Variants in RELN observed in about 807,000 individuals in gnomAD.
RELN encodes reelin.
A neutral mutation model predicts 427.6 loss-of-function variants in RELN; 108 were observed. The observed-to-expected ratio is 0.25, with a 90% CI of 0.22 to 0.30. The LOEUF is 0.30. Ranked by LOEUF, RELN falls within the 10% of genes least tolerant of loss-of-function variation. The pLI is 1.00. For missense variants in RELN, 3,715 were observed against 4,302.8 expected (o/e 0.86, Z 3.82); for synonymous variants, 1,524 against 1,513.4 (o/e 1.01, Z -0.16).
chr7:103,883,837 C>G (rs570591132), intron 2 of RELN, among the ~76,000 whole-genome samples: 3 of 152,234 alleles, frequency 2.0e-5, no homozygotes, highest in Non-Finnish European at 4.4e-5. Context: ...GAATCAATAT[C>G]GTGAAAATGG....
chr7:103,979,973 C>T (rs1796957880), intron 1 of RELN, among the ~76,000 whole-genome samples: 1 of 152,040 alleles, frequency 6.6e-6, no homozygotes, highest in Non-Finnish European at 1.5e-5. Flanking sequence ...ACCAACCTGA[C>T]CAACATGGAG....
intron 46 of RELN, among the ~76,000 whole-genome samples, chr7:103,526,919 G>T (rs2299334): frequency 1.3e-5 from 2 of 152,068 alleles, no homozygotes; most frequent in Non-Finnish European, 2.9e-5. Flanking sequence ...TGGTCCCAGA[G>T]AAGATTTCTC....
At chr7:103,488,799 T>TC (rs1436966089) in intron 60 of RELN, among the ~76,000 whole-genome samples, 1 of 152,240 alleles carries the variant, frequency 6.6e-6, no homozygotes, top group African/African-American at 2.4e-5. Context: ...AGTCTCAGTT[T>TC]CTTTGCCTGT....
At chr7:103,894,935 C>A (rs1305171806) in intron 2 of RELN, among the ~76,000 whole-genome samples, 1 of 152,078 alleles carries the variant, frequency 6.6e-6, no homozygotes. Flanking sequence ...ATACACTTAC[C>A]CTGCTCATGC....
At chr7:103,769,684 T>C (rs1176768968) in intron 4 of RELN, among the ~76,000 whole-genome samples, 5 of 152,216 alleles carry the variant, frequency 3.3e-5, no homozygotes, top group Non-Finnish European at 4.4e-5. Flanking sequence ...ATCCAGAACC[T>C]GGCCTGGCAA....
chr7:103,804,773 A>C (rs957689269), intron 3 of RELN, among the ~76,000 whole-genome samples: 2 of 152,164 alleles, frequency 1.3e-5, no homozygotes, highest in African/African-American at 4.8e-5. Context: ...TAGTTGCAAA[A>C]ATAGGTTAGA....
intron 8 of RELN, among the ~76,000 whole-genome samples, chr7:103,722,281 T>G (rs535684340): frequency 4.2e-4 from 64 of 152,138 alleles, no homozygotes; most frequent in Non-Finnish European, 7.6e-4. Context: ...ACTTGCAATT[T>G]GGAATAGAAG....
intron 60 of RELN, among the ~76,000 whole-genome samples, chr7:103,488,456 C>T (rs541551055): frequency 2.6e-5 from 4 of 152,234 alleles, no homozygotes; most frequent in South Asian, 2.1e-4. Context: ...CAGACCCAGC[C>T]GGTCTCAGTG....
intron 2 of RELN, among the ~76,000 whole-genome samples, chr7:103,895,984 T>C (rs28583006): frequency 0.26 from 40,123 of 151,976 alleles, 6,086 homozygotes; most frequent in African/African-American, 0.41. Flanking sequence ...CAAACTACTA[T>C]TACTCAATAA....
At chr7:103,885,640 T>C (rs1794710810) in intron 2 of RELN, among the ~76,000 whole-genome samples, 1 of 152,120 alleles carries the variant, frequency 6.6e-6, no homozygotes, top group African/African-American at 2.4e-5. Context: ...GTAATGTAGA[T>C]GACGGGTTGA....
intron 19 of RELN, among the ~76,000 whole-genome samples, chr7:103,630,579 C>T (rs1024095886): frequency 5.3e-5 from 8 of 152,110 alleles, no homozygotes; most frequent in African/African-American, 1.9e-4. Context: ...GACAATAAAC[C>T]TGCATCTGAC....
At chr7:103,598,507 C>T (rs949105296) in intron 24 of RELN, among the ~76,000 whole-genome samples, 3 of 152,120 alleles carry the variant, frequency 2.0e-5, no homozygotes, top group African/African-American at 7.2e-5. Context: ...GGAAATGAGC[C>T]AGAAGGATAA....
At chr7:103,886,630 A>G (rs1193906172) in intron 2 of RELN, among the ~76,000 whole-genome samples, 1 of 152,220 alleles carries the variant, frequency 6.6e-6, no homozygotes, top group Admixed American at 6.5e-5. Context: ...CCATAATGTT[A>G]TAATCTTATC....
intron 45 of RELN, among the ~76,000 whole-genome samples, chr7:103,538,286 G>A (rs373756372): frequency 4.2e-4 from 64 of 152,150 alleles, no homozygotes; most frequent in East Asian, 1.9e-3. Flanking sequence ...AAAACTGAAC[G>A]GGGACCTTGT....
At chr7:103,651,025 C>T (rs1436916835) in intron 15 of RELN, among the ~76,000 whole-genome samples, 1 of 152,088 alleles carries the variant, frequency 6.6e-6, no homozygotes, top group Non-Finnish European at 1.5e-5. Flanking sequence ...TGCTAGGCAT[C>T]TGTGCAGAGA....
chr7:103,542,706 T>C lies in RELN; in HGVS notation c.6671+25A>G, dbSNP rs1201060855. ...TATTATACATTACGATGTGGTTTTT[T>C]TCAACAGCATCTAAAAATGATTACC... On this transcript the variant is annotated intron_variant, in intron 43 of 64. Coordinates refer to ENST00000428762, the MANE Select transcript of RELN (RefSeq NM_005045.4). 6.2e-6 allele frequency: 10 copies of C among 1,613,758 alleles called. 1 individual carries two copies. The Admixed American group carries it at 1.5e-4, about 24-fold the overall frequency.
Position 103,682,155 on chromosome 7 carries a change from T to C in RELN, c.1250A>G (p.Gln417Arg), listed in dbSNP as rs1554402126. The change falls in exon 11 of 65, where the codon CAA becomes CGA. Residue 417 changes from glutamine (Q) to arginine (R), a missense_variant. This residue lies in a region of RELN where 2,208 missense variants were observed against 2,361.7 expected (regional missense o/e 0.93). Coordinates refer to ENST00000428762, the MANE Select transcript of RELN (RefSeq NM_005045.4). ...RDVDLSTEDI[Q>R]EQWSEEFESQ... Reference sequence around the variant, plus strand: ...CTCAAATTCTTCTGACCATTGCTCTTGAATATCTTCTGTGGAAAGATCTAC... The same window carrying C: ...CTCAAATTCTTCTGACCATTGCTCTCGAATATCTTCTGTGGAAAGATCTAC... 1 of 1,613,922 alleles carries C rather than the reference T, an allele frequency of 6.2e-7. No individual in the cohort carries two copies. Among genetic ancestry groups the C allele is most frequent in the Non-Finnish European group, 8.5e-7 (1 of 1,179,870 alleles).
chr7:103,935,241 A>T (rs1795954821), intron 1 of RELN, among the ~76,000 whole-genome samples: 1 of 152,018 alleles, frequency 6.6e-6, no homozygotes, highest in African/African-American at 2.4e-5. Context: ...TCTTCCCTCA[A>T]TCCCCATTTA....
rs866413076 is a variant in RELN, at chr7:103,761,016, A to G, written c.545-7802T>C. 1.7e-4 allele frequency among the ~76,000 whole-genome samples: 26 copies of G among 152,218 alleles called. 1 individual carries two copies. Among genetic ancestry groups the G allele is most frequent in the African/African-American group, 6.3e-4 (26 of 41,466 alleles). ...AACAGTTCTCCCTGTGTTCAAGAAC[A>G]TACTTATGCTCAGTATAAAAGATTT... On this transcript the variant is annotated intron_variant, in intron 4 of 64. Coordinates refer to ENST00000428762, the MANE Select transcript of RELN (RefSeq NM_005045.4).
Sources: allele counts gnomAD v4.1 joint callset (sites outside exome capture counted in the v4.1 genomes callset), GRCh38; gene constraint gnomAD v4.1.1; regional missense constraint gnomAD v4.1.1; transcripts MANE v1.5; gene names NCBI Gene and HGNC (gene_info 2026-07-23, HGNC 2026-07-21).